The following CREB5 variants were observed in gnomAD, a reference collection of about 807,000 sequenced individuals.
CREB5 encodes cyclic AMP-responsive element-binding protein 5.
CREB5 carries 19 observed loss-of-function variants against 57.1 expected under a neutral mutation model. That is an observed-to-expected ratio of 0.33 (90% CI 0.23 to 0.49). The LOEUF is 0.49. CREB5 is among the 20% of genes least tolerant of loss of function. The probability of loss-of-function intolerance (pLI) is 0.99; values close to 1 mark genes in which losing one functional copy is unlikely to be tolerated. For missense variants in CREB5, 579 were observed against 671.6 expected (o/e 0.86, Z 1.52); for synonymous variants, 238 against 238.3 (o/e 1.00, Z 0.01).
intron 1 of CREB5, among the ~76,000 whole-genome samples, chr7:28,325,116 T>C (rs1418368569): frequency 1.3e-5 from 2 of 152,190 alleles, no homozygotes; most frequent in East Asian, 1.9e-4. Context: ...TCTACACTTA[T>C]ACACTTATAG....
At chr7:28,646,907 T>C (rs972633677) in intron 5 of CREB5, among the ~76,000 whole-genome samples, 1 of 152,000 alleles carries the variant, frequency 6.6e-6, no homozygotes. Flanking sequence ...CAACACTCTT[T>C]GCATCTGGGC....
upstream of CREB5, among the ~76,000 whole-genome samples, chr7:28,412,322 AT>A (rs11446167): frequency 4.3e-4 from 65 of 151,100 alleles, no homozygotes; most frequent in South Asian, 2.1e-4. Flanking sequence ...CAGTAGCGAT[AT>A]TTTTTTTTAT....
intron 5 of CREB5, among the ~76,000 whole-genome samples, chr7:28,710,899 G>A (rs183947993): frequency 3.3e-5 from 5 of 152,266 alleles, no homozygotes. Flanking sequence ...AATGTACAGG[G>A]TATACTGAGA....
chr7:28,622,880 T>A (rs186054936), intron 5 of CREB5, among the ~76,000 whole-genome samples: 264 of 152,242 alleles, frequency 1.7e-3, no homozygotes, highest in African/African-American at 6.0e-3. Context: ...ATAATAATTT[T>A]AAAAATACTC....
At chr7:28,594,799 T>G (rs193146768) in intron 5 of CREB5, among the ~76,000 whole-genome samples, 1 of 152,256 alleles carries the variant, frequency 6.6e-6, no homozygotes, top group African/African-American at 2.4e-5. Context: ...GACAGGGCCC[T>G]TCATACATGT....
intron 1 of CREB5, among the ~76,000 whole-genome samples, chr7:28,402,341 C>G (rs111503918): frequency 6.6e-6 from 1 of 151,912 alleles, no homozygotes; most frequent in Admixed American, 6.6e-5. Flanking sequence ...CATGTGGAAC[C>G]AAAAAAGAGC....
chr7:28,748,565 T>C (rs544520234), intron 7 of CREB5, among the ~76,000 whole-genome samples: 1 of 152,382 alleles, frequency 6.6e-6, no homozygotes, highest in African/African-American at 2.4e-5. Context: ...GAGAAAATTC[T>C]TTAAATACCC....
intron 1 of CREB5, among the ~76,000 whole-genome samples, chr7:28,466,228 A>AG: frequency 6.6e-6 from 1 of 151,856 alleles, no homozygotes; most frequent in Non-Finnish European, 1.5e-5. Context: ...AAAAAAAAAA[A>AG]AAAAAAGCTC....
At chr7:28,671,870 T>C (rs1340895475) in intron 5 of CREB5, among the ~76,000 whole-genome samples, 1 of 152,192 alleles carries the variant, frequency 6.6e-6, no homozygotes, top group African/African-American at 2.4e-5. Flanking sequence ...ACCTTACAGA[T>C]TAGCTCTTAG....
chr7:28,375,352 A>C (rs1562681279), intron 1 of CREB5, among the ~76,000 whole-genome samples: 1 of 152,180 alleles, frequency 6.6e-6, no homozygotes, highest in Non-Finnish European at 1.5e-5. Context: ...AAGGATGGTT[A>C]CCAGAGGCCG....
intron 1 of CREB5, among the ~76,000 whole-genome samples, chr7:28,328,796 T>C (rs57164917): frequency 0.03 from 4,635 of 152,184 alleles, 162 homozygotes; most frequent in African/African-American, 0.087. Context: ...GAACTGAAAA[T>C]ATTCACAAGC....
chr7:28,426,539 C>G (rs550993868), intron 1 of CREB5, among the ~76,000 whole-genome samples: 1 of 152,342 alleles, frequency 6.6e-6, no homozygotes, highest in East Asian at 1.9e-4. Flanking sequence ...CCTGGAACAT[C>G]TGCAATCCTC....
chr7:28,724,345 T>C lies in CREB5; in HGVS notation c.702+13T>C. 6.3e-7 allele frequency: 1 copy of C among 1,591,200 alleles called. No homozygotes were observed. On this transcript the variant is annotated intron_variant, in intron 7 of 10. Coordinates refer to ENST00000357727, the MANE Select transcript of CREB5 (RefSeq NM_182898.4). ...AGAAGCCAAAATGGTAAGTAACAGT[T>C]ATAATCACCCTTTCATTATTCTGTG...
intron 1 of CREB5, among the ~76,000 whole-genome samples, chr7:28,305,814 T>C (rs1347661070): frequency 1.3e-5 from 2 of 152,100 alleles, no homozygotes; most frequent in East Asian, 1.9e-4. Flanking sequence ...CATATTCTCC[T>C]TGTGAGCTAA....
chr7:28,541,017 G>A (rs1357297164), intron 4 of CREB5, among the ~76,000 whole-genome samples: 2 of 152,166 alleles, frequency 1.3e-5, no homozygotes, highest in African/African-American at 2.4e-5. Flanking sequence ...AACATCAGAC[G>A]TATTTCCAAA....
At chr7:28,756,968 T>TA (rs1263298108) in intron 7 of CREB5, among the ~76,000 whole-genome samples, 1 of 152,214 alleles carries the variant, frequency 6.6e-6, no homozygotes, top group Non-Finnish European at 1.5e-5. Context: ...AGTCAACTGT[T>TA]AATAAGTAAA....
intron 4 of CREB5, among the ~76,000 whole-genome samples, chr7:28,515,958 C>T (rs1404607262): frequency 6.6e-6 from 1 of 151,632 alleles, no homozygotes; most frequent in African/African-American, 2.4e-5. Context: ...GAAATCTGAG[C>T]TCTCTGGGAG....
chr7:28,619,506 G>C (rs1797717462), intron 5 of CREB5, among the ~76,000 whole-genome samples: 1 of 152,154 alleles, frequency 6.6e-6, no homozygotes, highest in Non-Finnish European at 1.5e-5. Flanking sequence ...CACTGAGACA[G>C]GCACCATCCT....
chr7:28,569,629 C>G (rs962875076), intron 4 of CREB5, among the ~76,000 whole-genome samples: 1 of 152,118 alleles, frequency 6.6e-6, no homozygotes. Flanking sequence ...CCAAGCACCA[C>G]GGGATAGAGT....
Sources: allele counts gnomAD v4.1 joint callset (sites outside exome capture counted in the v4.1 genomes callset), GRCh38; gene constraint gnomAD v4.1.1; transcripts MANE v1.5; gene names NCBI Gene and HGNC (gene_info 2026-07-23, HGNC 2026-07-21).